MST1: variants seen among roughly 807,000 people sequenced by gnomAD.
MST1 encodes the protein macrophage stimulating 1.
MST1 carries 76 observed loss-of-function variants against 100.1 expected under a neutral mutation model. The observed-to-expected ratio is 0.76, with a 90% confidence interval of 0.63 to 0.92. MST1 has a LOEUF of 0.92. Among genes scored for constraint, MST1 ranks in the 40% least tolerant of loss-of-function variants. The pLI is 0.00. For synonymous variants in MST1, 352 were observed against 385.4 expected (o/e 0.91, Z 1.01); for missense variants, 850 against 990.0 (o/e 0.86, Z 1.90).
chr3:49,686,238 T>C (rs2053726042), intron 8 of MST1, 46 bp from the exon 9 acceptor site: 1 of 1,606,546 alleles, frequency 6.2e-7, no homozygotes, highest in Non-Finnish European at 8.5e-7. Flanking sequence ...CCTCCAGCCT[T>C]GAGCCCGTGA....
In MST1 at chr3:49,687,202, G is replaced by T. The variant is rs761728774; in HGVS notation, c.554C>A (p.Thr185Lys). The change falls in exon 5 of 18, where the codon ACA (threonine) becomes AAA (lysine). Residue 185 changes from threonine to lysine, a missense_variant. By Grantham distance (78) the Thr-to-Lys change is moderately conservative. This residue lies in a region of MST1 where 816 missense variants were observed against 924.6 expected (regional missense o/e 0.88). Transcript: ENST00000449682. ...CTGGAAGCGCACAGCAGGGTCTGTT[G>T]TGTAGCACCAAGGACCTCCGGGGTC... is the stretch of plus-strand genomic sequence containing the variant. ...DGDPGGPWCY[T>K]TDPAVRFQSC... 13 of 1,613,462 alleles carry T rather than the reference G, an allele frequency of 8.1e-6. No homozygotes were observed. The South Asian group carries it at 1.1e-4, about 14-fold the overall frequency.
Position 49,687,273 on chromosome 3 carries a change from A to G in MST1, c.483T>C (p.Thr161=). The G allele has an allele frequency of 6.2e-7, 1 of 1,613,472 alleles. No individual in the cohort carries two copies. The highest frequency in any genetic ancestry group is 8.5e-7 in the Non-Finnish European group (1 of 1,179,856). The change falls in exon 5 of 18, where the codon ACT becomes ACC. Residue 161 remains threonine (T), a synonymous_variant. Transcript: ENST00000449682. ...KFPNDHKYTP[T]LRNGLEENFC... ...AGTTCTCTTCCAGGCCATTCCGGAG[A>G]GTGGGCGTGTACCTGAGGGCCCAGA...
At position 49,686,322 on chromosome 3, in the gene MST1, T is replaced by G. The variant is rs762068220; in HGVS notation, c.1007A>C (p.Tyr336Ser). 1 of 1,333,472 alleles carries G rather than the reference T, an allele frequency of 7.5e-7. No individual in the cohort carries two copies. The highest frequency in any genetic ancestry group is 1.0e-6 in the Non-Finnish European group (1 of 994,194). 82.6% of individuals were successfully genotyped at this position (1,333,472 alleles called of 1,614,324 possible). ...CCCCCCCCCACCTCACTTGCACGCG[T>G]ATTTTTCTGGCGTAAATCGGTGCTG... ...PHQHRFTPEK[Y>S]ACKDLRENFC... is the part of the protein sequence containing the mutation. Residue 336 changes from tyrosine to serine, a missense_variant, in exon 8 of 18, where the codon TAC becomes TCC. Around this residue, in one of 2 missense-constraint regions of MST1, gnomAD observed 816 missense variants for 924.6 expected, o/e 0.88. Transcript: ENST00000449682.
rs1270467361 is a variant in MST1, at chr3:49,684,665, A to G, written c.1770-9T>C. On this transcript the variant is annotated splice_polypyrimidine_tract_variant and intron_variant, in intron 15 of 17. Coordinates refer to ENST00000449682, the MANE Select transcript of MST1 (RefSeq NM_020998.4). ...GGTTCAGGGTCACAGATCTTTAGCA[A>G]GAATGGGGGCACTCAGGGTCTGAGG... 4 of 1,613,422 alleles carry G rather than the reference A, an allele frequency of 2.5e-6. No homozygotes were observed.
Position 49,684,334 on chromosome 3 carries a change from C to T in MST1, c.1996G>A (p.Ala666Thr), listed in dbSNP as rs542575850. The T allele has an allele frequency of 6.2e-7, 1 of 1,613,034 alleles. No individual in the cohort carries two copies. The highest frequency in any genetic ancestry group is 1.3e-5 in the African/African-American group (1 of 74,934). ...CCAACCTCACAGGCCCCCACAGGGG[C>T]CAACAGTCCCTCAGTGCACATCTCA... ...ESEMCTEGLLAPVGACEGDYG... is the reference protein window; with the variant it reads ...ESEMCTEGLLTPVGACEGDYG... The change falls in exon 17 of 18, where the codon GCC becomes ACC. Residue 666 changes from alanine (A) to threonine (T), a missense_variant. By Grantham distance (58) the Ala-to-Thr change is moderately conservative (BLOSUM62 0). Around this residue, in one of 2 missense-constraint regions of MST1, gnomAD observed 816 missense variants for 924.6 expected, o/e 0.88. Coordinates refer to ENST00000449682, the MANE Select transcript of MST1 (RefSeq NM_020998.4).
At chr3:49,686,289 G>GCCTCCCCCCCCCC in intron 8 of MST1, 24 bp downstream of exon 8, 2 of 1,235,666 alleles carry the variant, frequency 1.6e-6, no homozygotes, top group South Asian at 1.4e-5. Flanking sequence ...ACGTCCCAAC[G>GCCTCCCCCCCCCC]CCCGCCCCCC....
At chr3:49,685,162 G>A in intron 13 of MST1, 73 bp from the exon 14 acceptor site, 1 of 1,596,364 alleles carries the variant, frequency 6.3e-7, no homozygotes, top group Non-Finnish European at 8.5e-7. Flanking sequence ...TTCTGGCTAG[G>A]ACCTCTGGGG....
rs760608948 is a variant in MST1, at chr3:49,687,862, G to A, written c.130C>T (p.Arg44Trp). The stretch of plus-strand genomic sequence containing the variant: ...AGCAGGTGCTGTAGCTCTGTGCCCC[G>A]GAGCACTTGGAAGTCATTCAATGGC... ...RSPLNDFQVL[R>W]GTELQHLLHA... Residue 44 changes from arginine to tryptophan, a missense_variant, in exon 2 of 18, where the codon CGG (arginine) becomes TGG (tryptophan). By Grantham distance (101) the Arg-to-Trp change is moderately radical. Transcript: ENST00000449682. 6.8e-6 allele frequency: 11 copies of A among 1,613,506 alleles called. No homozygotes were observed. The highest frequency in any genetic ancestry group is 4.5e-5 in the East Asian group (2 of 44,886).
rs1417417949 is a variant in MST1, at chr3:49,685,893, T to C, written c.1217A>G (p.Gln406Arg). 1.9e-6 allele frequency: 3 copies of C among 1,605,956 alleles called. No individual in the cohort carries two copies. In the African/African-American group the frequency reaches 4.0e-5, roughly 21 times the overall value. Residue 406 changes from glutamine (Q) to arginine (R), a missense_variant, in exon 10 of 18, where the codon CAG (glutamine) becomes CGG (arginine). By Grantham distance (43) the Gln-to-Arg change is conservative. Around this residue, in one of 2 missense-constraint regions of MST1, gnomAD observed 816 missense variants for 924.6 expected, o/e 0.88. Transcript: ENST00000449682. ...VSKTRKGVQC[Q>R]RWSAETPHKP... ...GTGCGGCGTCTCAGCGGACCAGCGC[T>C]GGCACTGGACACCCTTGCGGGTCTT... is the stretch of plus-strand genomic sequence containing the variant.
Position 49,687,036 on chromosome 3 carries a change from G to A in MST1, c.639C>T (p.Tyr213=), listed in dbSNP as rs1160952978. Residue 213 remains tyrosine (Y), a synonymous_variant, in exon 6 of 18, where the codon TAC becomes TAT. Transcript: ENST00000449682. ...ACTCCGTGCGGTCTACCGCGCCGCG[G>A]TATTCCTCGCCATTGCACCAGACAC... ...AACVWCNGEE[Y]RGAVDRTESG... 6.2e-7 allele frequency: 1 copy of A among 1,611,694 alleles called. No individual in the cohort carries two copies. Among genetic ancestry groups the A allele is most frequent in the Non-Finnish European group, 8.5e-7 (1 of 1,179,864 alleles).
intron 6 of MST1, 63 bp from the exon 7 acceptor site, chr3:49,686,865 T>C (rs1355897583): frequency 6.2e-6 from 10 of 1,612,130 alleles, no homozygotes; most frequent in Admixed American, 1.7e-5. Flanking sequence ...CCCCGCCCAA[T>C]TGCCCTACAC....
rs534468601 is a variant in MST1 at position 49,684,883 on chromosome 3, G to A, written c.1624C>T (p.His542Tyr). 1.2e-6 allele frequency: 2 copies of A among 1,613,616 alleles called. No individual in the cohort carries two copies. Among genetic ancestry groups the A allele is most frequent in the East Asian group, 2.2e-5 (1 of 44,884 alleles). Residue 542 changes from histidine (H) to tyrosine (Y), a missense_variant and splice_region_variant, in exon 15 of 18, where the codon CAT becomes TAT. This residue lies in a region of MST1 where 816 missense variants were observed against 924.6 expected (regional missense o/e 0.88). Transcript: ENST00000449682. ...ACCTCATAGCCCGTGAGAGGCATAT[G>A]GCTGGGAGAGAAGCTCTGCTAGGTC... ...LTARQCFSSC[H>Y]MPLTGYEVWL...
chr3:49,685,462 A>T lies in MST1; in HGVS notation c.1423+9T>A. ...AAGGGCCTGACCCATAACTGGCCCAACTCCTAACCTGGGGGGTCCAGGATT... is the reference window on the plus strand; with the variant it reads ...AAGGGCCTGACCCATAACTGGCCCATCTCCTAACCTGGGGGGTCCAGGATT... On this transcript the variant is annotated intron_variant, in intron 12 of 17. Coordinates refer to ENST00000449682, the MANE Select transcript of MST1 (RefSeq NM_020998.4). 6.2e-7 allele frequency: 1 copy of T among 1,613,514 alleles called. No individual in the cohort carries two copies. Among genetic ancestry groups the T allele is most frequent in the East Asian group, 2.2e-5 (1 of 44,876 alleles).
chr3:49,686,760 A>G lies in MST1; in HGVS notation c.771T>C (p.Pro257=). The G allele has an allele frequency of 6.2e-7, 1 of 1,609,608 alleles. No individual in the cohort carries two copies. The highest frequency in any genetic ancestry group is 8.5e-7 in the Non-Finnish European group (1 of 1,178,788). The change falls in exon 7 of 18, where the codon CCT becomes CCC. Residue 257 remains proline (P), a synonymous_variant. Transcript: ENST00000449682. ...QGLDDNYCRN[P]DGSERPWCYT... ...AGCACCATGGCCGCTCGGAGCCGTC[A>G]GGATTCCGGCAATAGTTGTCGTCCA...
At position 49,686,111 on chromosome 3, in the gene MST1, C is replaced by G. The variant is rs1425267471; in HGVS notation, c.1098G>C (p.Ala366=). ...WCFTLRPGMR[A]AFCYQIRRCT... ...AACGCCGGATCTGGTAGCAAAAGGC[C>G]GCGCGCATGCCGGGCCGCAGTGTGA... The change falls in exon 9 of 18, where the codon GCG becomes GCC. Residue 366 remains alanine (A), a synonymous_variant. Transcript: ENST00000449682. 1 of 1,610,836 alleles carries G rather than the reference C, an allele frequency of 6.2e-7. No homozygotes were observed. Among genetic ancestry groups the G allele is most frequent in the South Asian group, 1.1e-5 (1 of 90,916 alleles).
At position 49,687,897 on chromosome 3, in the gene MST1, C is replaced by T. The variant is rs1402852481; in HGVS notation, c.95G>A (p.Gly32Glu). The T allele has an allele frequency of 6.2e-7, 1 of 1,612,680 alleles. No homozygotes were observed. The highest frequency in any genetic ancestry group is 8.5e-7 in the Non-Finnish European group (1 of 1,179,496). The change falls in exon 2 of 18, where the codon GGG becomes GAG. Residue 32 changes from glycine to glutamate, a missense_variant and splice_region_variant. Transcript: ENST00000449682. ...LLLTQCLGVP[G>E]QRSPLNDFQV... ...GAAGTCATTCAATGGCGAGCGCTGC[C>T]CTGCAGAGTAGGCATGAGTGGGTGC... is the stretch of plus-strand genomic sequence containing the variant.
At chr3:49,686,660 C>G in intron 7 of MST1, 24 bp downstream of exon 7, 1 of 1,549,912 alleles carries the variant, frequency 6.5e-7, no homozygotes, top group Non-Finnish European at 8.7e-7. Context: ...AGGTACCCTC[C>G]CAGGCCTGGT....
At chr3:49,688,356 C>T (rs2053977828) in intron 1 of MST1, 2 of 538,012 alleles carry the variant, frequency 3.7e-6, no homozygotes, top group Non-Finnish European at 6.8e-6. Flanking sequence ...TCACTGCCTG[C>T]TGTGTGCGTG....
chr3:49,686,294 C>T lies in MST1; in HGVS notation c.1016+19G>A. The stretch of plus-strand genomic sequence containing the variant: ...CCGCAGCAGCACGTCCCAACGCCCG[C>T]CCCCCCCCCCCACCTCACTTGCACG... On this transcript the variant is annotated intron_variant, in intron 8 of 17. Coordinates refer to ENST00000449682, the MANE Select transcript of MST1 (RefSeq NM_020998.4). 3 of 444,374 alleles carry T rather than the reference C, an allele frequency of 6.8e-6. No individual in the cohort carries two copies. Among genetic ancestry groups the T allele is most frequent in the East Asian group, 2.0e-4 (1 of 5,010 alleles). 27.5% of individuals were successfully genotyped at this position (444,374 alleles called of 1,614,324 possible).
Sources: allele counts gnomAD v4.1 joint callset, GRCh38; gene constraint gnomAD v4.1.1; regional missense constraint gnomAD v4.1.1; transcripts MANE v1.5; gene names NCBI Gene and HGNC (gene_info 2026-07-23, HGNC 2026-07-21).